The following FIGN variants were observed in gnomAD, a reference collection of about 807,000 sequenced individuals.
FIGN encodes the protein fidgetin, microtubule severing factor.
A neutral mutation model predicts 51.3 loss-of-function variants in FIGN; 11 were observed. That is an observed-to-expected ratio of 0.21 (90% CI 0.13 to 0.35). FIGN has a LOEUF of 0.35. Ranked by LOEUF, FIGN falls within the 10% of genes least tolerant of loss-of-function variation. The pLI, the probability that FIGN is intolerant of heterozygous loss-of-function variation, is 1.00. For missense variants in FIGN, 857 were observed against 943.6 expected (o/e 0.91, Z 1.20); for synonymous variants, 407 against 363.2 (o/e 1.12, Z -1.37).
At chr2:163,658,364 GCT>G (rs55894952) in intron 2 of FIGN, among the ~76,000 whole-genome samples, 9,376 of 137,168 alleles carry the variant, frequency 0.068, 339 homozygotes, top group African/African-American at 0.097. Flanking sequence ...TTAAGAAACA[GCT>G]CTCTCTCTCT....
At chr2:163,716,983 A>G (rs954386397) in intron 2 of FIGN, among the ~76,000 whole-genome samples, 4 of 152,108 alleles carry the variant, frequency 2.6e-5, no homozygotes, top group Non-Finnish European at 5.9e-5. Flanking sequence ...CCAGCACTTG[A>G]ATATATTTTT....
rs996379819 is a variant in FIGN at position 163,607,539 on chromosome 2, G to T, written c.*2013C>A. 6.6e-6 allele frequency: 1 copy of T among 152,166 alleles called. No homozygotes were observed. Among genetic ancestry groups the T allele is most frequent in the Non-Finnish European group, 1.5e-5 (1 of 67,954 alleles). 9.4% of individuals were successfully genotyped at this position (152,166 alleles called of 1,614,324 possible). ...CTCATGAGCTTTCTCTATGTTAAGT[G>T]TTTCAGAGAATTGGATATTGTGGAT... On this transcript the variant is annotated 3_prime_UTR_variant, in exon 3 of 3. Coordinates refer to ENST00000333129, the MANE Select transcript of FIGN (RefSeq NM_018086.4).
chr2:163,657,497 A>AGTGTGTGTGTGTGT (rs1553497887), intron 2 of FIGN, among the ~76,000 whole-genome samples: 2 of 82,300 alleles, frequency 2.4e-5, no homozygotes, highest in Non-Finnish European at 5.1e-5. Context: ...TGTCAGAGGG[A>AGTGTGTGTGTGTGT]GTCTGTGTGT....
In FIGN at chr2:163,623,808, C is replaced by T. The variant is rs150719713; in HGVS notation, c.26-12002G>A. On this transcript the variant is annotated intron_variant, in intron 2 of 2. Transcript: ENST00000333129. ...TATTGTGCCCTCTGTTTATTTAGTG[C>T]TTCTACACCCAGCCATTGTTTTCAT... Among the ~76,000 whole-genome samples the T allele has an allele frequency of 7.4e-3, 1,126 of 152,142 alleles. 10 individuals carry two copies. Among genetic ancestry groups the T allele is most frequent in the Middle Eastern group, 0.027 (8 of 294 alleles).
intron 2 of FIGN, among the ~76,000 whole-genome samples, chr2:163,701,545 A>G (rs1684407694): frequency 6.6e-6 from 1 of 152,192 alleles, no homozygotes; most frequent in South Asian, 2.1e-4. Flanking sequence ...AAGTGCTGCA[A>G]GAGAAGCCAC....
intron 2 of FIGN, among the ~76,000 whole-genome samples, chr2:163,722,686 A>C (rs1161929439): frequency 2.6e-5 from 4 of 152,114 alleles, no homozygotes; most frequent in African/African-American, 9.7e-5. Flanking sequence ...TCCTATCTAG[A>C]GATACAAAAA....
chr2:163,660,691 A>C (rs1683640596), intron 2 of FIGN, among the ~76,000 whole-genome samples: 1 of 125,066 alleles, frequency 8.0e-6, no homozygotes, highest in Non-Finnish European at 1.7e-5. Context: ...ATATACACAT[A>C]TACATATATA....
intron 2 of FIGN, among the ~76,000 whole-genome samples, chr2:163,644,198 T>G (rs188950867): frequency 6.6e-6 from 1 of 152,136 alleles, no homozygotes; most frequent in African/African-American, 2.4e-5. Context: ...TAAGGACTTG[T>G]ATTTAGAATA....
At chr2:163,624,228 T>A (rs1683018951) in intron 2 of FIGN, among the ~76,000 whole-genome samples, 1 of 152,098 alleles carries the variant, frequency 6.6e-6, no homozygotes, top group Admixed American at 6.6e-5. Context: ...ATATGTATTT[T>A]AAAAATTAGT....
chr2:163,670,480 A>G (rs143580832), intron 2 of FIGN, among the ~76,000 whole-genome samples: 6 of 152,332 alleles, frequency 3.9e-5, no homozygotes, highest in Admixed American at 2.0e-4. Flanking sequence ...AGATCTGTCT[A>G]TGTTTATTTA....
At chr2:163,686,375 G>A (rs1684149273) in intron 2 of FIGN, among the ~76,000 whole-genome samples, 2 of 152,102 alleles carry the variant, frequency 1.3e-5, no homozygotes, top group South Asian at 4.1e-4. Flanking sequence ...ACTTAATGTG[G>A]CGAAAAGCTT....
At chr2:163,621,562 C>T (rs529276550) in intron 2 of FIGN, among the ~76,000 whole-genome samples, 1 of 152,278 alleles carries the variant, frequency 6.6e-6, no homozygotes, top group East Asian at 1.9e-4. Context: ...ACAACCAGCA[C>T]AGCCTAGGAT....
chr2:163,700,895 C>A (rs1684398333), intron 2 of FIGN, among the ~76,000 whole-genome samples: 3 of 152,132 alleles, frequency 2.0e-5, no homozygotes, highest in Admixed American at 2.0e-4. Flanking sequence ...GTGCCCTGTA[C>A]TCTCCAAGTG....
At chr2:163,666,795 A>G (rs1329824540) in intron 2 of FIGN, among the ~76,000 whole-genome samples, 3 of 152,042 alleles carry the variant, frequency 2.0e-5, no homozygotes, top group African/African-American at 4.8e-5. Flanking sequence ...TCACACAGCT[A>G]GTGGCAAAAT....
chr2:163,721,898 G>A (rs1684763278), intron 2 of FIGN, among the ~76,000 whole-genome samples: 1 of 152,028 alleles, frequency 6.6e-6, no homozygotes, highest in Non-Finnish European at 1.5e-5. Flanking sequence ...GCTTTTCTCT[G>A]GTACATCTTT....
At chr2:163,660,686 C>T (rs13027541) in intron 2 of FIGN, among the ~76,000 whole-genome samples, 47 of 76,894 alleles carry the variant, frequency 6.1e-4, no homozygotes, top group East Asian at 1.3e-3. Flanking sequence ...TATATATATA[C>T]ACATATACAT....
intron 2 of FIGN, among the ~76,000 whole-genome samples, chr2:163,687,699 C>A (rs535021110): frequency 1.3e-5 from 2 of 152,204 alleles, no homozygotes; most frequent in African/African-American, 4.8e-5. Context: ...TGCATGGCAA[C>A]TAACAATGCA....
In FIGN at chr2:163,611,042, G is replaced by A. The variant is rs746263204; in HGVS notation, c.790C>T (p.Pro264Ser). ...GAAGGCGGAGGCGGTGCCCCCCCAG[G>A]GCTGTACCCAGACCCCACAGCAGTC... is the stretch of plus-strand genomic sequence containing the variant. ...PQTAVGSGYS[P>S]GGAPPPPSAY... is the part of the protein sequence containing the mutation. The change falls in exon 3 of 3, where the codon CCT becomes TCT. Residue 264 changes from proline to serine, a missense_variant. Pro to Ser is a moderately conservative substitution (Grantham distance 74). This residue lies in a region of FIGN where 799 missense variants were observed against 849.5 expected (regional missense o/e 0.94). Coordinates refer to ENST00000333129, the MANE Select transcript of FIGN (RefSeq NM_018086.4). 1 of 1,613,936 alleles carries A rather than the reference G, an allele frequency of 6.2e-7. No homozygotes were observed. The highest frequency in any genetic ancestry group is 8.5e-7 in the Non-Finnish European group (1 of 1,180,020).
At chr2:163,657,377 C>T (rs1683577707) in intron 2 of FIGN, among the ~76,000 whole-genome samples, 1 of 152,006 alleles carries the variant, frequency 6.6e-6, no homozygotes, top group Non-Finnish European at 1.5e-5. Context: ...AGCCTGAAAA[C>T]CTACGCATTG....
Sources: allele counts gnomAD v4.1 joint callset (sites outside exome capture counted in the v4.1 genomes callset), GRCh38; gene constraint gnomAD v4.1.1; regional missense constraint gnomAD v4.1.1; transcripts MANE v1.5; gene names NCBI Gene and HGNC (gene_info 2026-07-23, HGNC 2026-07-21).